Variants in PCP4L1 observed in about 807,000 individuals in gnomAD.
PCP4L1 encodes Purkinje cell protein 4-like protein 1.
PCP4L1 carries 9 observed loss-of-function variants against 9.6 expected under a neutral mutation model. The observed-to-expected ratio is 0.94, with a 90% confidence interval of 0.57 to 1.64. The LOEUF is 1.64. Ranked by LOEUF, PCP4L1 falls within the 40% of genes most tolerant of loss-of-function variation. The probability of loss-of-function intolerance (pLI) is 0.00; values close to 1 mark genes in which losing one functional copy is unlikely to be tolerated. For synonymous variants in PCP4L1, 31 were observed against 28.2 expected, an observed-to-expected ratio of 1.10 and a Z score of -0.31; for missense variants, 81 against 80.8, an observed-to-expected ratio of 1.00 and a Z score of -0.01.
chr1:161,279,221 C>G (rs902165865), intron 1 of PCP4L1, among the ~76,000 whole-genome samples: 2 of 152,210 alleles, frequency 1.3e-5, no homozygotes, highest in Non-Finnish European at 2.9e-5. Context: ...ATTAAAGCCT[C>G]TACTCAAATG....
chr1:161,268,528 C>CAT (rs1206839772), intron 1 of PCP4L1, among the ~76,000 whole-genome samples: 1 of 143,936 alleles, frequency 6.9e-6, no homozygotes, highest in Non-Finnish European at 1.5e-5. Context: ...ATTTTACATA[C>CAT]ATTTTTCTCT....
chr1:161,264,051 A>T (rs1669466100), intron 1 of PCP4L1, among the ~76,000 whole-genome samples: 1 of 151,408 alleles, frequency 6.6e-6, no homozygotes, highest in African/African-American at 2.4e-5. Flanking sequence ...CTGAGATTAC[A>T]GGCGTGTATC....
Position 161,282,414 on chromosome 1 carries a change from G to A in PCP4L1, c.10-1254G>A, listed in dbSNP as rs183136888. 4.0e-4 allele frequency among the ~76,000 whole-genome samples: 59 copies of A among 148,692 alleles called. 1 individual carries two copies. In the East Asian group the frequency reaches 0.011, roughly 29 times the overall value. ...GAGGGAGACCGTGGGGAGAGGGAGA[G>A]GGAGGGGGAGGGGGAGGGAGAGGGA... On this transcript the variant is annotated intron_variant, in intron 1 of 2. Coordinates refer to ENST00000504449, the MANE Select transcript of PCP4L1 (RefSeq NM_001102566.2).
chr1:161,264,463 G>A (rs1669495645), intron 1 of PCP4L1, among the ~76,000 whole-genome samples: 1 of 152,110 alleles, frequency 6.6e-6, no homozygotes. Flanking sequence ...GTTGCAGTGA[G>A]CCGAGATAGC....
chr1:161,270,279 G>A (rs1669600841), intron 1 of PCP4L1, among the ~76,000 whole-genome samples: 1 of 152,040 alleles, frequency 6.6e-6, no homozygotes, highest in South Asian at 2.1e-4. Context: ...CCTGGGCAAC[G>A]GAGAGAGACT....
intron 1 of PCP4L1, among the ~76,000 whole-genome samples, chr1:161,273,670 C>A (rs555549701): frequency 6.6e-6 from 1 of 152,104 alleles, no homozygotes; most frequent in Non-Finnish European, 1.5e-5. Flanking sequence ...GAGTCAGCCT[C>A]GTGTATCAGG....
intron 1 of PCP4L1, among the ~76,000 whole-genome samples, chr1:161,266,374 C>T (rs909632359): frequency 6.6e-6 from 1 of 152,322 alleles, no homozygotes; most frequent in East Asian, 1.9e-4. Context: ...TGGCACTACT[C>T]TCTCTCCCCC....
rs1669638287 is a variant in PCP4L1 at position 161,272,403 on chromosome 1, C to T, written c.10-11265C>T. On this transcript the variant is annotated intron_variant, in intron 1 of 2. Transcript: ENST00000504449. ...TGAAACCCTGTCTCTACTAAAAATA[C>T]AAAAATTAGCCAGGCATGGTGGTGG... Among the ~76,000 whole-genome samples, 4 of 151,416 alleles carry T rather than the reference C, an allele frequency of 2.6e-5. No homozygotes were observed. The South Asian group carries it at 8.3e-4, about 32-fold the overall frequency.
intron 1 of PCP4L1, among the ~76,000 whole-genome samples, chr1:161,273,297 T>A (rs887365148): frequency 4.6e-5 from 7 of 152,218 alleles, no homozygotes; most frequent in Non-Finnish European, 7.3e-5. Flanking sequence ...TGCTAATTAG[T>A]GTTTGGTATC....
At chr1:161,261,922 C>T (rs867778930) in intron 1 of PCP4L1, among the ~76,000 whole-genome samples, 3 of 152,254 alleles carry the variant, frequency 2.0e-5, no homozygotes, top group Non-Finnish European at 4.4e-5. Context: ...GATCCACACA[C>T]TCTTTCCTGT....
At chr1:161,281,832 C>T (rs1200207736) in intron 1 of PCP4L1, among the ~76,000 whole-genome samples, 2 of 40,506 alleles carry the variant, frequency 4.9e-5, no homozygotes, top group African/African-American at 3.8e-4. Flanking sequence ...GACGGGGCGG[C>T]GGGGCAGAGG....
intron 1 of PCP4L1, among the ~76,000 whole-genome samples, chr1:161,282,545 G>A (rs946270978): frequency 6.6e-6 from 1 of 152,152 alleles, no homozygotes; most frequent in African/African-American, 2.4e-5. Context: ...GGCTTTAAAT[G>A]CTATCCATAT....
intron 1 of PCP4L1, among the ~76,000 whole-genome samples, chr1:161,280,625 C>G (rs568610280): frequency 2.0e-5 from 3 of 152,260 alleles, no homozygotes; most frequent in Admixed American, 2.0e-4. Flanking sequence ...CTTCTCTTAT[C>G]AGTGTCACCA....
chr1:161,277,702 G>C (rs1168061385), intron 1 of PCP4L1, among the ~76,000 whole-genome samples: 4 of 152,064 alleles, frequency 2.6e-5, no homozygotes, highest in Admixed American at 6.5e-5. Flanking sequence ...TGCCTAGGCT[G>C]GTCTTGGACC....
chr1:161,264,345 C>T (rs550505237), intron 1 of PCP4L1, among the ~76,000 whole-genome samples: 5 of 151,856 alleles, frequency 3.3e-5, no homozygotes, highest in East Asian at 2.0e-4. Context: ...GGTGAAACCC[C>T]GTCTCTATTA....
At chr1:161,281,487 C>T (rs568079115) in intron 1 of PCP4L1, among the ~76,000 whole-genome samples, 4 of 150,744 alleles carry the variant, frequency 2.7e-5, no homozygotes, top group Admixed American at 6.6e-5. Flanking sequence ...ACCTCCCTCC[C>T]GGACTGGGCG....
chr1:161,273,156 A>G (rs1669648903), intron 1 of PCP4L1, among the ~76,000 whole-genome samples: 1 of 152,240 alleles, frequency 6.6e-6, no homozygotes, highest in African/African-American at 2.4e-5. Flanking sequence ...AAGATGATGG[A>G]ATGGAACACT....
chr1:161,278,465 C>T (rs1213000521), intron 1 of PCP4L1, among the ~76,000 whole-genome samples: 3 of 150,864 alleles, frequency 2.0e-5, no homozygotes, highest in Admixed American at 6.6e-5. Flanking sequence ...GATGGGGTCT[C>T]GCTATGTTGC....
intron 1 of PCP4L1, among the ~76,000 whole-genome samples, chr1:161,269,810 G>T (rs971712845): frequency 6.6e-5 from 10 of 152,034 alleles, no homozygotes; most frequent in Admixed American, 3.3e-4. Context: ...ACCAGCCTGG[G>T]CAACATGGCA....
Sources: gnomAD v4.1 joint callset for allele counts (sites outside exome capture counted in the v4.1 genomes callset) on GRCh38, gnomAD v4.1.1 for gene constraint, MANE v1.5 for transcripts, NCBI Gene and HGNC (gene_info 2026-07-23, HGNC 2026-07-21) for gene names.